The following CMSS1 variants were observed in gnomAD, a reference collection of about 807,000 sequenced individuals.
The protein encoded by CMSS1 is protein CMSS1.
CMSS1 carries 33 observed loss-of-function variants against 43.5 expected under a neutral mutation model. The ratio of observed to expected loss-of-function variants is 0.76; its 90% CI spans 0.57 to 1.01. CMSS1 has a LOEUF of 1.01. Ranked by LOEUF, CMSS1 falls within the 50% of genes least tolerant of loss-of-function variation. CMSS1 has a pLI of 0.00. For missense variants in CMSS1, 313 were observed against 326.4 expected, an observed-to-expected ratio of 0.96 and a Z score of 0.32; for synonymous variants, 115 against 117.2, an observed-to-expected ratio of 0.98 and a Z score of 0.12.
chr3:99,969,421 A>G (rs781588559), intron 1 of CMSS1, among the ~76,000 whole-genome samples: 2 of 152,152 alleles, frequency 1.3e-5, no homozygotes, highest in Non-Finnish European at 2.9e-5. Context: ...AGGACTGCAG[A>G]TTTATATAGT....
chr3:99,985,111 A>G (rs1285408884), intron 1 of CMSS1, among the ~76,000 whole-genome samples: 11 of 152,208 alleles, frequency 7.2e-5, no homozygotes, highest in Admixed American at 7.2e-4. Flanking sequence ...AACACAGACT[A>G]CTAGAAATAA....
At chr3:99,995,654 C>A (rs1261435496) in intron 1 of CMSS1, among the ~76,000 whole-genome samples, 1 of 152,214 alleles carries the variant, frequency 6.6e-6, no homozygotes, top group Non-Finnish European at 1.5e-5. Flanking sequence ...GGCATCCAGG[C>A]GTTTCCATAC....
At chr3:99,846,698 A>G (rs1447501947) in intron 1 of CMSS1, among the ~76,000 whole-genome samples, 2 of 152,330 alleles carry the variant, frequency 1.3e-5, no homozygotes, top group Non-Finnish European at 2.9e-5. Flanking sequence ...TTCTGTCAAC[A>G]AATCCTCGCT....
intron 1 of CMSS1, among the ~76,000 whole-genome samples, chr3:100,038,349 A>G (rs1440497468): frequency 3.9e-5 from 6 of 152,226 alleles, no homozygotes; most frequent in African/African-American, 1.4e-4. Context: ...TCCAAAAAAA[A>G]TTGCTTAACT....
chr3:100,080,387 GT>G (rs2065913907), intron 1 of CMSS1, among the ~76,000 whole-genome samples: 1 of 152,110 alleles, frequency 6.6e-6, no homozygotes, highest in Non-Finnish European at 1.5e-5. Context: ...TTTACAGAGG[GT>G]TTCTCAGACT....
rs1026617035 is a variant in CMSS1 at position 100,114,986 on chromosome 3, G to A, written c.65-31987G>A. 2.6e-6 allele frequency: 4 copies of A among 1,526,366 alleles called. No homozygotes were observed. In the South Asian group the frequency reaches 3.6e-5, roughly 14 times the overall value. 94.6% of individuals were successfully genotyped at this position (1,526,366 alleles called of 1,614,324 possible). A position where few individuals can be genotyped will look rare whatever the true frequency, so the allele number is the denominator to read the frequency against. On this transcript the variant is annotated intron_variant, in intron 1 of 9. Coordinates refer to ENST00000421999, the MANE Select transcript of CMSS1 (RefSeq NM_032359.4). The stretch of plus-strand genomic sequence containing the variant: ...GCTGAGGAAACTCTAGAGCAACATC[G>A]GAATGCATGGTGGTATGTTTATTAT...
intron 1 of CMSS1, chr3:100,114,491 C>T (rs73859925): frequency 0.015 from 2,395 of 155,692 alleles, 58 homozygotes; most frequent in African/African-American, 0.052. Context: ...TCCGTGAGCA[C>T]GTCTGTGTGT....
At chr3:99,955,777 A>G (rs1708303949) in intron 1 of CMSS1, among the ~76,000 whole-genome samples, 1 of 152,186 alleles carries the variant, frequency 6.6e-6, no homozygotes, top group Non-Finnish European at 1.5e-5. Flanking sequence ...ACATTAGTGT[A>G]TCCTGGAAGG....
chr3:100,083,536 T>G (rs918838759), intron 1 of CMSS1, among the ~76,000 whole-genome samples: 3 of 152,244 alleles, frequency 2.0e-5, no homozygotes, highest in African/African-American at 7.2e-5. Flanking sequence ...ATTGTGACAT[T>G]TTCCCGTCTT....
chr3:99,959,543 A>G (rs966516355), intron 1 of CMSS1, among the ~76,000 whole-genome samples: 11 of 152,244 alleles, frequency 7.2e-5, no homozygotes, highest in African/African-American at 2.4e-4. Flanking sequence ...CTAATTCATT[A>G]CATGGGTTGT....
At chr3:100,149,950 C>T (rs2066889691) in intron 2 of CMSS1, among the ~76,000 whole-genome samples, 1 of 152,118 alleles carries the variant, frequency 6.6e-6, no homozygotes, top group Admixed American at 6.5e-5. Flanking sequence ...CAACCACATC[C>T]CTGATTTCCC....
At chr3:99,908,354 G>A (rs1706687845) in intron 1 of CMSS1, among the ~76,000 whole-genome samples, 2 of 152,190 alleles carry the variant, frequency 1.3e-5, no homozygotes, top group African/African-American at 4.8e-5. Flanking sequence ...GGCTTCACTC[G>A]TGTTCTCTTG....
At chr3:99,850,637 CT>C in intron 1 of CMSS1, 1 of 1,614,036 alleles carries the variant, frequency 6.2e-7, no homozygotes, top group South Asian at 1.1e-5. Context: ...TCCTCTTCTG[CT>C]TTTCGTAAAG....
intron 8 of CMSS1, among the ~76,000 whole-genome samples, chr3:100,174,317 G>GCCC (rs1224724750): frequency 6.6e-6 from 1 of 151,982 alleles, no homozygotes; most frequent in Non-Finnish European, 1.5e-5. Context: ...TTCACCACCA[G>GCCC]CCCCTCCTGG....
At chr3:99,844,663 A>G (rs1355297001) in intron 1 of CMSS1, among the ~76,000 whole-genome samples, 2 of 152,190 alleles carry the variant, frequency 1.3e-5, no homozygotes, top group Non-Finnish European at 2.9e-5. Context: ...TTCTATGACC[A>G]TCTCACAGCT....
intron 1 of CMSS1, among the ~76,000 whole-genome samples, chr3:99,829,688 A>G (rs1345240091): frequency 1.3e-5 from 2 of 152,218 alleles, no homozygotes; most frequent in Non-Finnish European, 2.9e-5. Context: ...TGAATAAACA[A>G]TGTCCTGTGA....
At chr3:99,888,041 G>T (rs1705966027) in intron 1 of CMSS1, among the ~76,000 whole-genome samples, 1 of 152,098 alleles carries the variant, frequency 6.6e-6, no homozygotes, top group Non-Finnish European at 1.5e-5. Context: ...ACTGTGCCTG[G>T]CCTCCTGTTG....
In CMSS1 at chr3:100,125,951, T is replaced by C. The variant is rs557488400; in HGVS notation, c.65-21022T>C. On this transcript the variant is annotated intron_variant, in intron 1 of 9. Coordinates refer to ENST00000421999, the MANE Select transcript of CMSS1 (RefSeq NM_032359.4). ...TTTTCTATATTAAAAACAGCCATTA[T>C]AAGGAACTTGTGGTATAAAGGGTCA... Among the ~76,000 whole-genome samples the C allele has an allele frequency of 1.3e-3, 192 of 152,338 alleles. 2 individuals carry two copies. The highest frequency in any genetic ancestry group is 4.3e-3 in the African/African-American group (180 of 41,586).
At chr3:100,062,332 C>T (rs2065587007) in intron 1 of CMSS1, among the ~76,000 whole-genome samples, 1 of 151,804 alleles carries the variant, frequency 6.6e-6, no homozygotes, top group South Asian at 2.1e-4. Context: ...AGAATGGTCT[C>T]GATCTCCTGA....
Sources: allele counts gnomAD v4.1 joint callset (sites outside exome capture counted in the v4.1 genomes callset), GRCh38; gene constraint gnomAD v4.1.1; transcripts MANE v1.5; gene names NCBI Gene and HGNC (gene_info 2026-07-23, HGNC 2026-07-21).